The following CNTN5 variants were observed in gnomAD, a reference collection of about 807,000 sequenced individuals.
CNTN5 encodes the protein contactin-5.
In CNTN5, 77 loss-of-function variants were observed where a neutral mutation model predicts 129.1. The ratio of observed to expected loss-of-function variants is 0.60; its 90% confidence interval spans 0.50 to 0.72. The LOEUF (loss-of-function observed/expected upper bound fraction) is 0.72. Ranked by LOEUF, CNTN5 falls within the 30% of genes least tolerant of loss-of-function variation. CNTN5 has a pLI of 0.00. For missense variants in CNTN5, 1,478 were observed against 1,328.8 expected, an observed-to-expected ratio of 1.11 and a Z score of -1.75; for synonymous variants, 509 against 465.6, an observed-to-expected ratio of 1.09 and a Z score of -1.20.
At chr11:99,613,893 C>G (rs1407628874) in intron 3 of CNTN5, among the ~76,000 whole-genome samples, 2 of 152,032 alleles carry the variant, frequency 1.3e-5, no homozygotes, top group East Asian at 1.9e-4. Flanking sequence ...TTATGTTTGG[C>G]TAATTTTAGA....
intron 4 of CNTN5, among the ~76,000 whole-genome samples, chr11:99,843,600 G>A (rs1343800507): frequency 6.6e-6 from 1 of 152,030 alleles, no homozygotes; most frequent in Non-Finnish European, 1.5e-5. Context: ...ATCTGTAGCA[G>A]TAGTTTTTAA....
intron 7 of CNTN5, among the ~76,000 whole-genome samples, chr11:99,926,747 A>G (rs1277299073): frequency 6.6e-6 from 1 of 152,070 alleles, no homozygotes; most frequent in Non-Finnish European, 1.5e-5. Context: ...TTTTATTTCA[A>G]ATCACTATAT....
intron 3 of CNTN5, among the ~76,000 whole-genome samples, chr11:99,713,061 A>T (rs1178143915): frequency 6.6e-6 from 1 of 152,164 alleles, no homozygotes; most frequent in Non-Finnish European, 1.5e-5. Context: ...TTGAATCTAT[A>T]AATTACTTCG....
At chr11:100,301,833 T>C (rs1951227234) in intron 20 of CNTN5, among the ~76,000 whole-genome samples, 1 of 151,658 alleles carries the variant, frequency 6.6e-6, no homozygotes, top group Admixed American at 6.6e-5. Flanking sequence ...TCTGGAATCC[T>C]ATACAAATCT....
intron 6 of CNTN5, among the ~76,000 whole-genome samples, chr11:99,850,893 G>T (rs2135723467): frequency 6.6e-6 from 1 of 152,170 alleles, no homozygotes; most frequent in Non-Finnish European, 1.5e-5. Flanking sequence ...GCTTTTTATT[G>T]CAACCCCTAC....
intron 9 of CNTN5, among the ~76,000 whole-genome samples, chr11:100,032,818 A>G (rs1941787859): frequency 6.6e-6 from 1 of 152,170 alleles, no homozygotes; most frequent in South Asian, 2.1e-4. Flanking sequence ...AGTATAAAAG[A>G]ATGTCATTTT....
At chr11:99,719,002 G>A (rs1943077565) in intron 3 of CNTN5, among the ~76,000 whole-genome samples, 1 of 152,078 alleles carries the variant, frequency 6.6e-6, no homozygotes, top group South Asian at 2.1e-4. Context: ...GATGTTCCAA[G>A]AAAAAGTAAG....
At chr11:100,039,843 C>T (rs1400712848) in intron 9 of CNTN5, among the ~76,000 whole-genome samples, 2 of 152,176 alleles carry the variant, frequency 1.3e-5, no homozygotes, top group African/African-American at 4.8e-5. Context: ...GACTTCTCTG[C>T]ATTGGTTATC....
intron 6 of CNTN5, among the ~76,000 whole-genome samples, chr11:99,893,744 A>C (rs1218567723): frequency 1.2e-4 from 19 of 152,346 alleles, no homozygotes; most frequent in Admixed American, 1.2e-3. Context: ...GCACCATTCT[A>C]TCCATTCCTT....
intron 3 of CNTN5, among the ~76,000 whole-genome samples, chr11:99,790,487 A>G (rs1945701407): frequency 1.3e-5 from 2 of 152,048 alleles, no homozygotes; most frequent in Admixed American, 6.6e-5. Context: ...CCACATTGCT[A>G]CAAAAGACAT....
chr11:99,200,154 G>T (rs967731381), intron 1 of CNTN5, among the ~76,000 whole-genome samples: 1 of 152,068 alleles, frequency 6.6e-6, no homozygotes, highest in Non-Finnish European at 1.5e-5. Context: ...TGTGGGCAAA[G>T]ATTTTTTCTA....
chr11:99,108,383 A>G (rs1857621065), intron 1 of CNTN5, among the ~76,000 whole-genome samples: 1 of 152,196 alleles, frequency 6.6e-6, no homozygotes, highest in African/African-American at 2.4e-5. Context: ...AGACACAGCC[A>G]TAGGAACGTT....
intron 3 of CNTN5, among the ~76,000 whole-genome samples, chr11:99,718,171 C>G (rs752733104): frequency 6.6e-6 from 1 of 150,664 alleles, no homozygotes; most frequent in East Asian, 2.0e-4. Flanking sequence ...TAACCTCACT[C>G]TTTATGATTG....
At chr11:100,065,812 C>G (rs539069948) in intron 10 of CNTN5, among the ~76,000 whole-genome samples, 12 of 152,170 alleles carry the variant, frequency 7.9e-5, no homozygotes, top group Middle Eastern at 3.4e-3. Context: ...TTACAGAAAA[C>G]TGTATGATAT....
chr11:100,070,449 G>A lies in CNTN5; in HGVS notation c.1188G>A (p.Leu396=). The stretch of plus-strand genomic sequence containing the variant: ...CCTACCCACACTGGGTAGAAAAACT[G>A]AATGATACTCAGTTAGACAGTGGGA... ...VYTYPHWVEK[L]NDTQLDSGSP... The change falls in exon 11 of 25, where the codon CTG becomes CTA. Residue 396 remains leucine, a synonymous_variant. Coordinates refer to ENST00000524871, the MANE Select transcript of CNTN5 (RefSeq NM_014361.4). 1 of 1,612,220 alleles carries A rather than the reference G, an allele frequency of 6.2e-7. No individual in the cohort carries two copies. Among genetic ancestry groups the A allele is most frequent in the South Asian group, 1.1e-5 (1 of 90,890 alleles).
At chr11:99,382,103 G>A (rs532053835) in intron 2 of CNTN5, among the ~76,000 whole-genome samples, 2 of 152,230 alleles carry the variant, frequency 1.3e-5, no homozygotes, top group South Asian at 4.2e-4. Flanking sequence ...TACATCCTTG[G>A]TATGAGAGTA....
chr11:100,033,276 G>T (rs571485036), intron 9 of CNTN5, among the ~76,000 whole-genome samples: 1 of 152,276 alleles, frequency 6.6e-6, no homozygotes, highest in Admixed American at 6.5e-5. Flanking sequence ...AATAAGAGGT[G>T]AGAGTGAGGC....
At chr11:99,595,857 C>G (rs1055669939) in intron 3 of CNTN5, among the ~76,000 whole-genome samples, 1 of 151,910 alleles carries the variant, frequency 6.6e-6, no homozygotes, top group African/African-American at 2.4e-5. Flanking sequence ...TGTGGTGCAT[C>G]ATATCCCTCA....
intron 4 of CNTN5, among the ~76,000 whole-genome samples, chr11:99,835,331 G>A (rs1947268658): frequency 1.3e-5 from 2 of 152,218 alleles, no homozygotes; most frequent in African/African-American, 4.8e-5. Flanking sequence ...AACTGTGGTT[G>A]TGAGGTAGGG....
Sources: allele counts gnomAD v4.1 joint callset (sites outside exome capture counted in the v4.1 genomes callset), GRCh38; gene constraint gnomAD v4.1.1; transcripts MANE v1.5; gene names NCBI Gene and HGNC (gene_info 2026-07-23, HGNC 2026-07-21).